The following IMPG1 variants were observed in gnomAD, a reference collection of about 807,000 sequenced individuals.
IMPG1 encodes interphotoreceptor matrix proteoglycan 1.
A neutral mutation model predicts 92.0 loss-of-function variants in IMPG1; 85 were observed. That is an observed-to-expected ratio of 0.92 (90% confidence interval 0.78 to 1.11). The LOEUF is 1.11. Among genes scored for constraint, IMPG1 ranks in the 50% least tolerant of loss-of-function variants. The pLI, the probability that IMPG1 is intolerant of heterozygous loss-of-function variation, is 0.00. For missense variants in IMPG1, 1,022 were observed against 956.0 expected (o/e 1.07, Z -0.91); for synonymous variants, 367 against 334.1 (o/e 1.10, Z -1.08).
At chr6:75,965,695 G>A (rs536211141) in intron 12 of IMPG1, among the ~76,000 whole-genome samples, 33 of 139,494 alleles carry the variant, frequency 2.4e-4, no homozygotes, top group Admixed American at 7.3e-4. Context: ...TGCAAGCTCC[G>A]CCTCTGGGTT....
chr6:75,993,457 G>A (rs1010748280), intron 12 of IMPG1, among the ~76,000 whole-genome samples: 6 of 151,772 alleles, frequency 4.0e-5, no homozygotes, highest in South Asian at 2.1e-4. Flanking sequence ...CCCACATGGC[G>A]GAAAAGGAGA....
chr6:76,018,204 A>C (rs1444532962), intron 7 of IMPG1, among the ~76,000 whole-genome samples: 1 of 152,228 alleles, frequency 6.6e-6, no homozygotes, highest in Non-Finnish European at 1.5e-5. Flanking sequence ...CCTATGATAA[A>C]GTTTAATTTA....
intron 12 of IMPG1, among the ~76,000 whole-genome samples, chr6:75,993,105 TG>T (rs1191878074): frequency 6.6e-6 from 1 of 152,208 alleles, no homozygotes; most frequent in African/African-American, 2.4e-5. Flanking sequence ...CCAGACTTTG[TG>T]CTTGTTGAAC....
chr6:75,944,132 C>T (rs1781880944), intron 14 of IMPG1, among the ~76,000 whole-genome samples: 2 of 152,192 alleles, frequency 1.3e-5, no homozygotes, highest in Admixed American at 1.3e-4. Flanking sequence ...GTGAACCCAG[C>T]CTTCGCCTTT....
At chr6:76,064,210 C>T (rs764690183) in intron 1 of IMPG1, among the ~76,000 whole-genome samples, 2 of 149,370 alleles carry the variant, frequency 1.3e-5, no homozygotes, top group Admixed American at 1.3e-4. Context: ...TGCATCCCTG[C>T]TGGCTATGTG....
At chr6:75,923,804 A>G (rs1468555966) in intron 15 of IMPG1, 98 bp from the exon 16 acceptor site, 19 of 678,910 alleles carry the variant, frequency 2.8e-5, no homozygotes, top group Non-Finnish European at 7.6e-6. Flanking sequence ...ACATCATGAC[A>G]AGTGAAAATA....
chr6:76,007,043 C>T (rs185334647), intron 9 of IMPG1, among the ~76,000 whole-genome samples: 47 of 152,124 alleles, frequency 3.1e-4, no homozygotes, highest in African/African-American at 1.0e-3. Flanking sequence ...TATAGTGGGC[C>T]CTTTTCTCAG....
intron 7 of IMPG1, among the ~76,000 whole-genome samples, chr6:76,016,075 A>C (rs1036358464): frequency 1.3e-5 from 2 of 152,230 alleles, no homozygotes; most frequent in East Asian, 1.9e-4. Context: ...AATTGCATGA[A>C]AAATTAAATG....
intron 5 of IMPG1, among the ~76,000 whole-genome samples, chr6:76,022,596 T>C (rs758946771): frequency 1.1e-4 from 17 of 152,208 alleles, no homozygotes; most frequent in Non-Finnish European, 2.1e-4. Context: ...GTCTTTAAAA[T>C]GTAGATTGCT....
intron 9 of IMPG1, among the ~76,000 whole-genome samples, chr6:76,006,707 T>C (rs1216295049): frequency 6.6e-6 from 1 of 152,016 alleles, no homozygotes; most frequent in Non-Finnish European, 1.5e-5. Flanking sequence ...TAAAATAACA[T>C]CTTAGAAGGA....
At chr6:76,003,092 T>C in intron 11 of IMPG1, 96 bp from the exon 12 acceptor site, 2 of 828,456 alleles carry the variant, frequency 2.4e-6, no homozygotes, top group Admixed American at 4.0e-5. Flanking sequence ...CATTTAAATT[T>C]AGGCAAACTA....
chr6:76,004,998 T>G (rs140130467), intron 10 of IMPG1, among the ~76,000 whole-genome samples: 1 of 152,224 alleles, frequency 6.6e-6, no homozygotes, highest in Non-Finnish European at 1.5e-5. Context: ...GTAACAGAAC[T>G]GTCTGTGGGT....
chr6:76,059,008 C>T (rs905561819), intron 1 of IMPG1, among the ~76,000 whole-genome samples: 4 of 152,008 alleles, frequency 2.6e-5, no homozygotes, highest in African/African-American at 7.2e-5. Flanking sequence ...CCTATTGAGG[C>T]CTGGAATAGC....
intron 6 of IMPG1, among the ~76,000 whole-genome samples, chr6:76,019,194 A>T (rs1451792689): frequency 6.6e-6 from 1 of 152,164 alleles, no homozygotes; most frequent in Non-Finnish European, 1.5e-5. Flanking sequence ...CTTGGTCTCC[A>T]TCACTAAGGG....
At chr6:75,982,873 T>C (rs1248005391) in intron 12 of IMPG1, among the ~76,000 whole-genome samples, 1 of 152,044 alleles carries the variant, frequency 6.6e-6, no homozygotes, top group Non-Finnish European at 1.5e-5. Context: ...ACCCTCATCT[T>C]TAAAATCTAG....
At chr6:75,955,557 C>T (rs910199110) in intron 12 of IMPG1, among the ~76,000 whole-genome samples, 6 of 152,090 alleles carry the variant, frequency 3.9e-5, no homozygotes, top group Non-Finnish European at 7.4e-5. Context: ...AGAGACAATT[C>T]GACTTCCTCT....
At chr6:76,018,378 T>C (rs573976575) in intron 7 of IMPG1, among the ~76,000 whole-genome samples, 2 of 152,326 alleles carry the variant, frequency 1.3e-5, no homozygotes, top group South Asian at 2.1e-4. Flanking sequence ...TTGTGACATA[T>C]GTTAGGCTAC....
chr6:75,971,401 T>C (rs573027400), intron 12 of IMPG1, among the ~76,000 whole-genome samples: 2 of 151,766 alleles, frequency 1.3e-5, no homozygotes, highest in Non-Finnish European at 2.9e-5. Flanking sequence ...CGCACCAGCA[T>C]GGCACATGTA....
At chr6:76,013,335 T>G (rs1783224592) in intron 7 of IMPG1, among the ~76,000 whole-genome samples, 1 of 152,168 alleles carries the variant, frequency 6.6e-6, no homozygotes, top group Admixed American at 6.5e-5. Flanking sequence ...TGTCCTTTAC[T>G]GACACTAAAC....
Sources: gnomAD v4.1 joint callset for allele counts (sites outside exome capture counted in the v4.1 genomes callset) on GRCh38, gnomAD v4.1.1 for gene constraint, MANE v1.5 for transcripts, NCBI Gene and HGNC (gene_info 2026-07-23, HGNC 2026-07-21) for gene names.